Variants in SI observed in about 807,000 individuals in gnomAD.
The protein encoded by SI is sucrase-isomaltase, intestinal.
Under a neutral mutation model 253.3 loss-of-function variants are expected in SI, and 235 were observed. The observed-to-expected ratio is 0.93, with a 90% CI of 0.83 to 1.03. The LOEUF (loss-of-function observed/expected upper bound fraction) is 1.03, where lower values mean the gene tolerates loss of function less well. Ranked by LOEUF, SI falls within the 50% of genes least tolerant of loss-of-function variation. The pLI, the probability that SI is intolerant of heterozygous loss-of-function variation, is 0.00. For missense variants in SI, 2,442 were observed against 2,211.1 expected (o/e 1.10, Z -2.09); for synonymous variants, 819 against 712.0 (o/e 1.15, Z -2.39).
intron 3 of SI, among the ~76,000 whole-genome samples, chr3:165,069,397 A>T (rs1387892069): frequency 6.6e-6 from 1 of 152,118 alleles, no homozygotes; most frequent in Non-Finnish European, 1.5e-5. Flanking sequence ...ACCCTGTCAG[A>T]AATTTATAAC....
chr3:164,995,228 T>C (rs534881415), intron 40 of SI, among the ~76,000 whole-genome samples: 8 of 151,872 alleles, frequency 5.3e-5, no homozygotes, highest in African/African-American at 1.9e-4. Flanking sequence ...AAAGTTTGAA[T>C]GAAAATTTCA....
chr3:165,018,548 G>T (rs1022842571), intron 28 of SI, among the ~76,000 whole-genome samples: 3 of 150,048 alleles, frequency 2.0e-5, no homozygotes, highest in Admixed American at 6.7e-5. Context: ...TATATTTATA[G>T]AACATTTAAA....
chr3:165,010,558 T>C (rs912981521), intron 34 of SI, among the ~76,000 whole-genome samples: 4 of 152,218 alleles, frequency 2.6e-5, no homozygotes, highest in Non-Finnish European at 5.9e-5. Flanking sequence ...GGTGGGATTA[T>C]ATTGAATATT....
At chr3:165,059,562 A>G (rs1380281355) in intron 10 of SI, among the ~76,000 whole-genome samples, 1 of 151,960 alleles carries the variant, frequency 6.6e-6, no homozygotes, top group Non-Finnish European at 1.5e-5. Flanking sequence ...GTGGATTTCA[A>G]CATACAAAAA....
At chr3:164,996,493 C>A (rs1718014695) in intron 40 of SI, 42 bp downstream of exon 40, 1 of 1,044,796 alleles carries the variant, frequency 9.6e-7, no homozygotes, top group Admixed American at 1.7e-5. Context: ...GAAGCATAGC[C>A]CAAGTAAGAA....
intron 12 of SI, among the ~76,000 whole-genome samples, chr3:165,058,056 T>A (rs1288164216): frequency 1.0e-5 from 1 of 98,338 alleles, no homozygotes; most frequent in Non-Finnish European, 2.3e-5. Context: ...TAAAATATTT[T>A]TTTTTAAAAA....
At chr3:165,033,777 C>G (rs1306723608) in intron 22 of SI, among the ~76,000 whole-genome samples, 1 of 151,394 alleles carries the variant, frequency 6.6e-6, no homozygotes. Context: ...TATTCTCTCC[C>G]TTGTAAACCT....
intron 17 of SI, among the ~76,000 whole-genome samples, chr3:165,041,979 C>T (rs183284369): frequency 2.2e-4 from 33 of 152,180 alleles, no homozygotes; most frequent in Non-Finnish European, 2.1e-4. Context: ...TAGAACTAGG[C>T]GCAATTCGGG....
In SI at chr3:165,012,986, A is replaced by T. The variant is rs763524868; in HGVS notation, c.4056T>A (p.Ala1352=). ...TAGCCCGTGTAAAACTTACATTAACAGCTTCATCTTCCGTTAGAGTTTTAT... is the reference window on the plus strand; with the variant it reads ...TAGCCCGTGTAAAACTTACATTAACTGCTTCATCTTCCGTTAGAGTTTTAT... ...TIDKTLTEDE[A]VNASRAHVAF... The change falls in exon 34 of 48, where the codon GCT becomes GCA. Residue 1352 remains alanine (A), a synonymous_variant. Transcript: ENST00000264382. 4 of 1,601,528 alleles carry T rather than the reference A, an allele frequency of 2.5e-6. No homozygotes were observed. The highest frequency in any genetic ancestry group is 2.7e-5 in the African/African-American group (2 of 74,682).
chr3:164,987,705 C>CAA (rs112252307), intron 44 of SI, among the ~76,000 whole-genome samples: 1 of 148,904 alleles, frequency 6.7e-6, no homozygotes, highest in Admixed American at 6.7e-5. Flanking sequence ...AAGACTCCAT[C>CAA]AAAAAAAAAA....
At chr3:165,003,131 T>G (rs1411968032) in intron 37 of SI, among the ~76,000 whole-genome samples, 1 of 151,896 alleles carries the variant, frequency 6.6e-6, no homozygotes, top group East Asian at 1.9e-4. Flanking sequence ...AGGATAATGA[T>G]GAATTTATTT....
chr3:165,024,381 C>T (rs1011224396), intron 25 of SI, among the ~76,000 whole-genome samples: 8 of 151,344 alleles, frequency 5.3e-5, no homozygotes, highest in African/African-American at 1.9e-4. Context: ...GTTGCCATAC[C>T]ACAATCCATT....
intron 34 of SI, among the ~76,000 whole-genome samples, chr3:165,011,823 G>A (rs1190530114): frequency 1.3e-4 from 19 of 149,574 alleles, no homozygotes; most frequent in Non-Finnish European, 2.8e-4. Flanking sequence ...TTGAAAGTGT[G>A]GCAACAAAGT....
intron 4 of SI, 76 bp from the exon 5 acceptor site, chr3:165,068,907 TGTATTTACCACA>T: frequency 9.3e-7 from 1 of 1,080,400 alleles, no homozygotes; most frequent in Non-Finnish European, 1.4e-6. Flanking sequence ...TTTATGTTAT[TGTATTTACCACA>T]AATGAGTACT....
intron 44 of SI, among the ~76,000 whole-genome samples, chr3:164,988,936 TAGAC>T (rs1283829041): frequency 6.6e-6 from 1 of 152,048 alleles, no homozygotes; most frequent in South Asian, 2.1e-4. Flanking sequence ...AAAATGGTGA[TAGAC>T]AGAAATCTGG....
chr3:165,064,327 T>TA (rs2108256989), intron 7 of SI, among the ~76,000 whole-genome samples: 1 of 152,134 alleles, frequency 6.6e-6, no homozygotes, highest in Admixed American at 6.6e-5. Context: ...TATGGATTTT[T>TA]AAAGGAAAGG....
At chr3:165,064,712 G>C (rs987861785) in intron 7 of SI, among the ~76,000 whole-genome samples, 1 of 152,070 alleles carries the variant, frequency 6.6e-6, no homozygotes, top group Non-Finnish European at 1.5e-5. Context: ...GAGTTTGGGA[G>C]AAGTTCTTAT....
chr3:165,046,495 C>T (rs1713124512), intron 16 of SI, among the ~76,000 whole-genome samples: 1 of 151,894 alleles, frequency 6.6e-6, no homozygotes, highest in Admixed American at 6.6e-5. Flanking sequence ...TAGACTTAGA[C>T]TTCTGACATT....
chr3:165,025,305 AAAG>A (rs1330112056), intron 25 of SI, among the ~76,000 whole-genome samples: 4 of 151,440 alleles, frequency 2.6e-5, no homozygotes, highest in East Asian at 3.9e-4. Context: ...GACAAAGAAA[AAAG>A]AAGAAGACAA....
Sources: gnomAD v4.1 joint callset for allele counts (sites outside exome capture counted in the v4.1 genomes callset) on GRCh38, gnomAD v4.1.1 for gene constraint, MANE v1.5 for transcripts, NCBI Gene and HGNC (gene_info 2026-07-23, HGNC 2026-07-21) for gene names.